The following NCOA1 variants were observed in gnomAD, a reference collection of about 807,000 sequenced individuals.
NCOA1 encodes the protein nuclear receptor coactivator 1.
Under a neutral mutation model 150.9 loss-of-function variants are expected in NCOA1, and 35 were observed. That is an observed-to-expected ratio of 0.23 (90% CI 0.18 to 0.31). The LOEUF (loss-of-function observed/expected upper bound fraction) is 0.31. Among genes scored for constraint, NCOA1 ranks in the 10% least tolerant of loss-of-function variants. The pLI is 1.00. For synonymous variants in NCOA1, 590 were observed against 630.0 expected (o/e 0.94, Z 0.95); for missense variants, 1,491 against 1,749.3 (o/e 0.85, Z 2.63).
chr2:24,682,580 C>T (rs910857591), intron 7 of NCOA1, among the ~76,000 whole-genome samples: 1 of 152,094 alleles, frequency 6.6e-6, no homozygotes, highest in East Asian at 1.9e-4. Flanking sequence ...CTGCAAACTG[C>T]CTGTTCGTTT....
At chr2:24,607,438 C>G (rs1264236380) in intron 3 of NCOA1, among the ~76,000 whole-genome samples, 5 of 152,090 alleles carry the variant, frequency 3.3e-5, no homozygotes, top group African/African-American at 1.2e-4. Flanking sequence ...ACCTGTCATC[C>G]CAGCACTTTG....
intron 3 of NCOA1, among the ~76,000 whole-genome samples, chr2:24,596,544 A>C (rs1425491258): frequency 6.6e-6 from 1 of 152,142 alleles, no homozygotes; most frequent in Admixed American, 6.5e-5. Flanking sequence ...ACTATTTGAT[A>C]AAGATTTGAC....
At chr2:24,552,888 A>G (rs1665918063) in intron 1 of NCOA1, among the ~76,000 whole-genome samples, 1 of 152,184 alleles carries the variant, frequency 6.6e-6, no homozygotes, top group Non-Finnish European at 1.5e-5. Context: ...AATTCAGTAG[A>G]TTAATCCTTT....
chr2:24,588,918 A>G (rs1481543097), intron 3 of NCOA1, among the ~76,000 whole-genome samples: 1 of 152,170 alleles, frequency 6.6e-6, no homozygotes, highest in African/African-American at 2.4e-5. Context: ...TATTTTTCTT[A>G]TCTCTTCCTT....
In NCOA1 at chr2:24,710,931, T is replaced by C; in HGVS notation, c.2419T>C (p.Phe807Leu). The C allele has an allele frequency of 6.2e-7, 1 of 1,613,336 alleles. No homozygotes were observed. Among genetic ancestry groups the C allele is most frequent in the Non-Finnish European group, 8.5e-7 (1 of 1,179,690 alleles). Residue 807 changes from phenylalanine (F) to leucine (L), a missense_variant and splice_region_variant, in exon 14 of 23, where the codon TTT (phenylalanine) becomes CTT (leucine). Phe to Leu is a conservative substitution (Grantham distance 22). Around this residue, in one of 8 missense-constraint regions of NCOA1, gnomAD observed 703 missense variants for 717.7 expected, o/e 0.98. Transcript: ENST00000348332. ...CTCTAACTTTGGTTTCCATTCTTAG[T>C]TTACAGCTGACCTTGACCAGTTTGA... is the stretch of plus-strand genomic sequence containing the variant. The part of the protein sequence containing the change: ...EEIKLEAQSQ[F>L]TADLDQFDQL...
chr2:24,624,414 G>T (rs999067414), intron 3 of NCOA1, among the ~76,000 whole-genome samples: 4 of 152,142 alleles, frequency 2.6e-5, no homozygotes, highest in Non-Finnish European at 5.9e-5. Flanking sequence ...CATAATCAGA[G>T]AAAATAAGCT....
chr2:24,608,961 C>A (rs1002143055), intron 3 of NCOA1, among the ~76,000 whole-genome samples: 1 of 152,042 alleles, frequency 6.6e-6, no homozygotes, highest in Non-Finnish European at 1.5e-5. Flanking sequence ...CTCATCACAT[C>A]ATTTTAGGGG....
At chr2:24,496,519 T>C (rs990575547) in intron 1 of NCOA1, among the ~76,000 whole-genome samples, 3 of 152,220 alleles carry the variant, frequency 2.0e-5, no homozygotes, top group African/African-American at 7.2e-5. Context: ...CAAGAAAGCT[T>C]GATTTTTATC....
At chr2:24,703,700 A>G (rs760356804) in intron 11 of NCOA1, among the ~76,000 whole-genome samples, 41 of 152,200 alleles carry the variant, frequency 2.7e-4, no homozygotes, top group Non-Finnish European at 6.0e-4. Flanking sequence ...ACATTAAACT[A>G]TACCTTTTTC....
At chr2:24,618,209 A>G (rs1668960042) in intron 3 of NCOA1, among the ~76,000 whole-genome samples, 1 of 152,172 alleles carries the variant, frequency 6.6e-6, no homozygotes, top group Non-Finnish European at 1.5e-5. Context: ...CACTCCCAAC[A>G]CTTGTTGAAT....
At chr2:24,532,514 T>C (rs1558771069) in intron 1 of NCOA1, among the ~76,000 whole-genome samples, 1 of 152,222 alleles carries the variant, frequency 6.6e-6, no homozygotes, top group Non-Finnish European at 1.5e-5. Context: ...GTTTTAGACA[T>C]GAAGTCCTTG....
Position 24,576,163 on chromosome 2 carries a change from GTTT to G in NCOA1, c.-259-8309_-259-8307del, listed in dbSNP as rs1491073238. Among the ~76,000 whole-genome samples, 16 of 92,698 alleles carry G rather than the reference GTTT, an allele frequency of 1.7e-4. 1 individual carries two copies. Among genetic ancestry groups the G allele is most frequent in the African/African-American group, 5.5e-4 (12 of 21,656 alleles). 60.8% of individuals were successfully genotyped at this position (92,698 alleles called of 152,430 possible). A position where few individuals can be genotyped will look rare whatever the true frequency, so the allele number is the denominator to read the frequency against. ...ATTTGGCCTTTGTTTTTTTTTTTTT[GTTT>G]TTTGTTTTTTTTTTTTTTTTTTTTT... On this transcript the variant is annotated intron_variant, in intron 2 of 22. Transcript: ENST00000348332.
intron 3 of NCOA1, among the ~76,000 whole-genome samples, chr2:24,642,683 A>G (rs753627715): frequency 3.3e-5 from 5 of 152,244 alleles, no homozygotes; most frequent in African/African-American, 4.8e-5. Flanking sequence ...AGAAATATTC[A>G]TAGCAGCTTT....
At chr2:24,697,006 A>G (rs1257025723) in intron 10 of NCOA1, among the ~76,000 whole-genome samples, 1 of 152,132 alleles carries the variant, frequency 6.6e-6, no homozygotes, top group Non-Finnish European at 1.5e-5. Context: ...GGAATAACTT[A>G]CCTGAATTCT....
intron 4 of NCOA1, among the ~76,000 whole-genome samples, chr2:24,648,926 G>A (rs567250439): frequency 6.6e-6 from 1 of 152,054 alleles, no homozygotes; most frequent in South Asian, 2.1e-4. Context: ...TGTAAATGTA[G>A]TTATTTGATT....
intron 5 of NCOA1, among the ~76,000 whole-genome samples, chr2:24,663,728 T>C (rs1381456458): frequency 6.6e-6 from 1 of 152,218 alleles, no homozygotes; most frequent in Non-Finnish European, 1.5e-5. Context: ...CCTTGCTTAT[T>C]GGTTACTTCA....
intron 2 of NCOA1, among the ~76,000 whole-genome samples, chr2:24,578,938 A>G (rs1039657734): frequency 2.5e-4 from 38 of 152,342 alleles, no homozygotes; most frequent in Non-Finnish European, 4.9e-4. Context: ...TATCCATTAC[A>G]TATAAGTGTT....
intron 9 of NCOA1, among the ~76,000 whole-genome samples, chr2:24,692,922 G>A (rs554778409): frequency 5.3e-5 from 8 of 152,304 alleles, no homozygotes; most frequent in East Asian, 1.9e-4. Flanking sequence ...CTGCAGTGGC[G>A]TGATCTCGGC....
At chr2:24,631,456 A>G (rs921281433) in intron 3 of NCOA1, among the ~76,000 whole-genome samples, 2 of 152,182 alleles carry the variant, frequency 1.3e-5, no homozygotes, top group Non-Finnish European at 2.9e-5. Flanking sequence ...TTTGATAACA[A>G]ATTTTCATCA....
Sources: allele counts gnomAD v4.1 joint callset (sites outside exome capture counted in the v4.1 genomes callset), GRCh38; gene constraint gnomAD v4.1.1; regional missense constraint gnomAD v4.1.1; transcripts MANE v1.5; gene names NCBI Gene and HGNC (gene_info 2026-07-23, HGNC 2026-07-21).